COL5A2: variants seen among roughly 807,000 people sequenced by gnomAD.
COL5A2 encodes collagen type V alpha 2 chain.
A neutral mutation model predicts 208.2 loss-of-function variants in COL5A2; 23 were observed. The ratio of observed to expected loss-of-function variants is 0.11; its 90% CI spans 0.08 to 0.16. COL5A2 has a LOEUF of 0.16. COL5A2 is among the 10% of genes least tolerant of loss of function. COL5A2 has a pLI of 1.00. For synonymous variants in COL5A2, 625 were observed against 628.5 expected (o/e 0.99, Z 0.08); for missense variants, 1,590 against 1,956.4 (o/e 0.81, Z 3.53).
chr2:189,324,559 G>GA, the COL5A2 span, among the ~76,000 whole-genome samples: 1 of 152,168 alleles, frequency 6.6e-6, no homozygotes, highest in African/African-American at 2.4e-5. Flanking sequence ...ACAGACACAT[G>GA]AAAAAATGCT....
At chr2:189,331,583 C>T in the COL5A2 span, among the ~76,000 whole-genome samples, 39 of 152,226 alleles carry the variant, frequency 2.6e-4, no homozygotes, top group African/African-American at 8.9e-4. Context: ...TTGCCTACTG[C>T]CATCCATGTA....
the COL5A2 span, among the ~76,000 whole-genome samples, chr2:189,380,325 A>T: frequency 6.6e-6 from 1 of 151,968 alleles, no homozygotes; most frequent in African/African-American, 2.4e-5. Context: ...AAAATATCTA[A>T]AAGAATAACA....
At chr2:189,091,446 C>T (rs1346486909) in intron 7 of COL5A2, among the ~76,000 whole-genome samples, 1 of 152,112 alleles carries the variant, frequency 6.6e-6, no homozygotes, top group African/African-American at 2.4e-5. Flanking sequence ...CAGGCTTCAG[C>T]AATACCACCC....
intron 1 of COL5A2, among the ~76,000 whole-genome samples, chr2:189,196,855 T>C (rs777055075): frequency 2.0e-5 from 3 of 152,130 alleles, no homozygotes; most frequent in African/African-American, 7.2e-5. Context: ...GGTGGGGATA[T>C]AAATTAGTTC....
intron 1 of COL5A2, among the ~76,000 whole-genome samples, chr2:189,136,993 T>G (rs762724322): frequency 3.2e-4 from 49 of 152,290 alleles, no homozygotes; most frequent in Non-Finnish European, 5.1e-4. Context: ...AAGCCAAATG[T>G]CAAATAAAAT....
At chr2:189,203,734 T>A (rs1689108029) in intron 1 of COL5A2, among the ~76,000 whole-genome samples, 1 of 152,314 alleles carries the variant, frequency 6.6e-6, no homozygotes, top group Non-Finnish European at 1.5e-5. Context: ...AAAAGAGACT[T>A]AATTAAATGA....
intron 3 of COL5A2, among the ~76,000 whole-genome samples, chr2:189,100,344 T>C (rs1687023712): frequency 6.6e-6 from 1 of 151,970 alleles, no homozygotes; most frequent in African/African-American, 2.4e-5. Context: ...CTGAAAGACA[T>C]AAAAAAATCC....
chr2:189,396,688 AAAAGAATAAATG>A, the COL5A2 span, among the ~76,000 whole-genome samples: 3 of 131,878 alleles, frequency 2.3e-5, no homozygotes, highest in South Asian at 7.5e-4. Context: ...AAAAAAAAAA[AAAAGAATAAATG>A]AGGCCGGGCG....
At chr2:189,266,803 A>G in the COL5A2 span, among the ~76,000 whole-genome samples, 3 of 152,172 alleles carry the variant, frequency 2.0e-5, no homozygotes, top group African/African-American at 2.4e-5. Context: ...GTTATAAAAG[A>G]TATGTTAAAA....
chr2:189,344,987 A>G, the COL5A2 span, among the ~76,000 whole-genome samples: 1 of 152,166 alleles, frequency 6.6e-6, no homozygotes, highest in Non-Finnish European at 1.5e-5. Context: ...ACAAAAAGCC[A>G]ATTTTCTAAG....
At chr2:189,049,307 C>T (rs568580237) in intron 44 of COL5A2, 40 bp downstream of exon 44, 2 of 1,365,770 alleles carry the variant, frequency 1.5e-6, no homozygotes, top group East Asian at 2.3e-5. Flanking sequence ...TCCATGACAC[C>T]AGATAACAAG....
chr2:189,437,920 G>A, the COL5A2 span, among the ~76,000 whole-genome samples: 4 of 152,014 alleles, frequency 2.6e-5, no homozygotes, highest in Non-Finnish European at 5.9e-5. Context: ...AAACATACAT[G>A]AAGATACTAA....
intron 1 of COL5A2, among the ~76,000 whole-genome samples, chr2:189,134,174 G>A (rs1254292558): frequency 1.3e-5 from 2 of 152,112 alleles, no homozygotes; most frequent in East Asian, 1.9e-4. Flanking sequence ...AGAACCTTAT[G>A]CATTCTCACC....
intron 1 of COL5A2, among the ~76,000 whole-genome samples, chr2:189,128,300 G>A (rs770729324): frequency 1.3e-5 from 2 of 151,876 alleles, no homozygotes; most frequent in African/African-American, 2.4e-5. Context: ...TGCAGAATTG[G>A]GAGGCAAATC....
intron 1 of COL5A2, among the ~76,000 whole-genome samples, chr2:189,146,166 T>A (rs1247557430): frequency 6.6e-6 from 1 of 152,082 alleles, no homozygotes. Context: ...TACCATTTAG[T>A]AAGAATTGTA....
intron 1 of COL5A2, 94 bp from the exon 2 acceptor site, chr2:189,110,543 G>T: frequency 8.9e-7 from 1 of 1,125,722 alleles, no homozygotes; most frequent in Non-Finnish European, 1.3e-6. Context: ...AAAAAATTCT[G>T]GACTAAGAAG....
chr2:189,391,741 A>C, the COL5A2 span, among the ~76,000 whole-genome samples: 2 of 152,116 alleles, frequency 1.3e-5, no homozygotes, highest in Admixed American at 6.6e-5. Flanking sequence ...TTATTTCTGA[A>C]ATGTAAAAAG....
chr2:189,105,289 C>T lies in COL5A2; in HGVS notation c.323-1012G>A, dbSNP rs74565747. On this transcript the variant is annotated intron_variant, in intron 2 of 53. Coordinates refer to ENST00000374866, the MANE Select transcript of COL5A2 (RefSeq NM_000393.5). ...GTAACTTGATAGATACTACCAATAT[C>T]CTTTCATAGAAATTATACCACTTTA... Among the ~76,000 whole-genome samples, 955 of 151,682 alleles carry T rather than the reference C, an allele frequency of 6.3e-3. 9 individuals are homozygous for T. The highest frequency in any genetic ancestry group is 0.021 in the African/African-American group (885 of 41,482).
the COL5A2 span, among the ~76,000 whole-genome samples, chr2:189,288,725 T>C: frequency 6.6e-6 from 1 of 152,186 alleles, no homozygotes. Context: ...AGGCCAGCGT[T>C]ATCCTGATAC....
Sources: allele counts gnomAD v4.1 joint callset (sites outside exome capture counted in the v4.1 genomes callset), GRCh38; gene constraint gnomAD v4.1.1; transcripts MANE v1.5; gene names NCBI Gene and HGNC (gene_info 2026-07-23, HGNC 2026-07-21).